SEC24A: variants seen among roughly 807,000 people sequenced by gnomAD.
The protein encoded by SEC24A is SEC24 homolog A, COPII component.
Under a neutral mutation model 129.4 loss-of-function variants are expected in SEC24A, and 93 were observed. That is an observed-to-expected ratio of 0.72 (90% CI 0.61 to 0.85). SEC24A has a LOEUF of 0.85. Ranked by LOEUF, SEC24A falls within the 40% of genes least tolerant of loss-of-function variation. The pLI is 0.00. For synonymous variants in SEC24A, 460 were observed against 467.3 expected (o/e 0.98, Z 0.20); for missense variants, 1,264 against 1,307.4 (o/e 0.97, Z 0.51).
At chr5:134,675,902 T>C (rs916277821) in intron 6 of SEC24A, 121 bp from the exon 7 acceptor site, 1 of 626,080 alleles carries the variant, frequency 1.6e-6, no homozygotes. Context: ...TGAGACTCTA[T>C]TGAAATATTT....
upstream of SEC24A, chr5:134,648,686 G>A (rs768903169): frequency 6.3e-6 from 1 of 157,516 alleles, no homozygotes; most frequent in Non-Finnish European, 1.4e-5. Flanking sequence ...AGCCCGGCTG[G>A]CAGAGAAGAG....
At chr5:134,664,717 C>G (rs1473440851) in intron 2 of SEC24A, among the ~76,000 whole-genome samples, 1 of 148,236 alleles carries the variant, frequency 6.7e-6, no homozygotes, top group Non-Finnish European at 1.5e-5. Context: ...TAATCTTTGT[C>G]TTCACTTTTG....
intron 11 of SEC24A, among the ~76,000 whole-genome samples, chr5:134,690,782 A>G (rs1396200264): frequency 6.6e-6 from 1 of 152,198 alleles, no homozygotes; most frequent in Non-Finnish European, 1.5e-5. Flanking sequence ...GTGGTCAGGT[A>G]GCATACCTTC....
Position 134,697,213 on chromosome 5 carries a change from C to G in SEC24A, c.2074C>G (p.Leu692Val). Residue 692 changes from leucine to valine, a missense_variant, in exon 14 of 23, where the codon CTC becomes GTC. By Grantham distance (32) the Leu-to-Val change is conservative (BLOSUM62 1). Coordinates refer to ENST00000398844, the MANE Select transcript of SEC24A (RefSeq NM_021982.3). ...GCAAGTTGCTGTTGACTTATTCCTT[C>G]TCAGTGGACAGTATTCTGATTTGGC... ...GQQVAVDLFL[L>V]SGQYSDLASL... The G allele has an allele frequency of 6.2e-7, 1 of 1,604,630 alleles. No homozygotes were observed. The highest frequency in any genetic ancestry group is 8.5e-7 in the Non-Finnish European group (1 of 1,173,350).
intron 7 of SEC24A, among the ~76,000 whole-genome samples, chr5:134,676,518 A>G (rs1276826501): frequency 7.3e-6 from 1 of 136,166 alleles, no homozygotes; most frequent in Non-Finnish European, 1.5e-5. Context: ...ATCTCGGCTC[A>G]CCGCAATCTC....
At chr5:134,667,653 CA>C (rs1203841096) in intron 3 of SEC24A, among the ~76,000 whole-genome samples, 605 of 41,056 alleles carry the variant, frequency 0.015, 2 homozygotes, top group African/African-American at 0.045. Flanking sequence ...GACTCCGTCT[CA>C]AAAAAAAAAA....
At chr5:134,672,021 T>G in intron 4 of SEC24A, 135 bp downstream of exon 4, 1 of 593,098 alleles carries the variant, frequency 1.7e-6, no homozygotes, top group Admixed American at 3.2e-5. Flanking sequence ...ATTAACTTAT[T>G]TATTTATTTA....
chr5:134,725,283 T>C lies in SEC24A; in HGVS notation c.*189T>C. On this transcript the variant is annotated 3_prime_UTR_variant, in exon 23 of 23. Coordinates refer to ENST00000398844, the MANE Select transcript of SEC24A (RefSeq NM_021982.3). Reference sequence around the variant, plus strand: ...GAGAATCAAACATGCAACTCTGAAATACTGTATTTTTCAAATCAGAATATA... The same window carrying C: ...GAGAATCAAACATGCAACTCTGAAACACTGTATTTTTCAAATCAGAATATA... 2.1e-6 allele frequency: 1 copy of C among 484,436 alleles called. No individual in the cohort carries two copies. Among genetic ancestry groups the C allele is most frequent in the Non-Finnish European group, 3.6e-6 (1 of 277,076 alleles). The allele number at this position is 484,436 out of a possible 1,614,324, so 30.0% of individuals were successfully genotyped here.
rs1336036498 is a variant in SEC24A, at chr5:134,675,152, A to G, written c.1086A>G (p.Ser362=). 6.2e-7 allele frequency: 1 copy of G among 1,613,836 alleles called. No individual in the cohort carries two copies. Among genetic ancestry groups the G allele is most frequent in the Non-Finnish European group, 8.5e-7 (1 of 1,179,784 alleles). Residue 362 remains serine (S), a synonymous_variant, in exon 6 of 23, where the codon TCA becomes TCG. Coordinates refer to ENST00000398844, the MANE Select transcript of SEC24A (RefSeq NM_021982.3). ...TTCAAGAAAGAAACATGCTTCCGTC[A>G]ACACCTTTGAAGCCTCCAGTTCCAA... is the stretch of plus-strand genomic sequence containing the variant. ...NLLQERNMLP[S]TPLKPPVPNL...
intron 13 of SEC24A, among the ~76,000 whole-genome samples, chr5:134,695,162 G>C (rs940207766): frequency 6.6e-6 from 1 of 152,102 alleles, no homozygotes; most frequent in East Asian, 1.9e-4. Flanking sequence ...TTGAGCTCAG[G>C]AGTTTGAGAC....
At chr5:134,658,712 C>T (rs1472555078) in intron 1 of SEC24A, among the ~76,000 whole-genome samples, 4 of 152,054 alleles carry the variant, frequency 2.6e-5, no homozygotes, top group East Asian at 1.9e-4. Flanking sequence ...AACCTCTACA[C>T]GATTTTAATA....
At chr5:134,701,998 A>T (rs1472367477) in intron 15 of SEC24A, among the ~76,000 whole-genome samples, 1 of 152,228 alleles carries the variant, frequency 6.6e-6, no homozygotes, top group Admixed American at 6.5e-5. Context: ...CTCTACAGTT[A>T]ATCATATACC....
intron 20 of SEC24A, among the ~76,000 whole-genome samples, chr5:134,719,490 G>A (rs1752572419): frequency 6.6e-6 from 1 of 151,678 alleles, no homozygotes; most frequent in Non-Finnish European, 1.5e-5. Flanking sequence ...CCAGGAATTC[G>A]AGAACAGCCT....
At chr5:134,654,418 C>T (rs1750170695) in intron 1 of SEC24A, among the ~76,000 whole-genome samples, 1 of 151,984 alleles carries the variant, frequency 6.6e-6, no homozygotes, top group Admixed American at 6.6e-5. Flanking sequence ...GACGGGGTTT[C>T]ACCATGTTGG....
chr5:134,718,212 A>G, intron 20 of SEC24A, 39 bp downstream of exon 20: 1 of 1,374,830 alleles, frequency 7.3e-7, no homozygotes, highest in Non-Finnish European at 1.0e-6. Flanking sequence ...ACTGCAAACT[A>G]CTATACTGTT....
chr5:134,714,902 AAATT>A, intron 18 of SEC24A, 118 bp from the exon 19 acceptor site: 2 of 988,960 alleles, frequency 2.0e-6, no homozygotes, highest in Non-Finnish European at 3.0e-6. Context: ...TACTTTAAAA[AAATT>A]AACAGTAAAT....
chr5:134,698,758 G>A (rs943869612), intron 15 of SEC24A, among the ~76,000 whole-genome samples: 19 of 148,436 alleles, frequency 1.3e-4, no homozygotes, highest in Non-Finnish European at 1.8e-4. Context: ...TCAGCCTCCC[G>A]AGTAGCTGGG....
chr5:134,667,233 A>G (rs976943998), intron 3 of SEC24A, among the ~76,000 whole-genome samples: 7 of 152,238 alleles, frequency 4.6e-5, no homozygotes, highest in African/African-American at 1.7e-4. Flanking sequence ...TTTTGTTGCT[A>G]TGCGGATTTT....
intron 1 of SEC24A, among the ~76,000 whole-genome samples, chr5:134,653,848 A>G (rs1256369584): frequency 1.3e-5 from 2 of 150,538 alleles, no homozygotes; most frequent in Non-Finnish European, 3.0e-5. Flanking sequence ...GTGACATGGC[A>G]GTATCTTGTC....
Sources: gnomAD v4.1 joint callset for allele counts (sites outside exome capture counted in the v4.1 genomes callset) on GRCh38, gnomAD v4.1.1 for gene constraint, MANE v1.5 for transcripts, NCBI Gene and HGNC (gene_info 2026-07-23, HGNC 2026-07-21) for gene names.